Variants in STX2 observed in about 807,000 individuals in gnomAD.
STX2 encodes syntaxin 2.
A neutral mutation model predicts 40.6 loss-of-function variants in STX2; 27 were observed. That is an observed-to-expected ratio of 0.66 (90% CI 0.49 to 0.92). The LOEUF is 0.92. Ranked by LOEUF, STX2 falls within the 40% of genes least tolerant of loss-of-function variation. The probability of loss-of-function intolerance (pLI) is 0.00; values close to 1 mark genes in which losing one functional copy is unlikely to be tolerated. For missense variants in STX2, 328 were observed against 366.1 expected (o/e 0.90, Z 0.85); for synonymous variants, 123 against 119.1 (o/e 1.03, Z -0.22).
At chr12:130,800,933 T>C (rs1213909096) in intron 8 of STX2, among the ~76,000 whole-genome samples, 1 of 152,236 alleles carries the variant, frequency 6.6e-6, no homozygotes, top group Non-Finnish European at 1.5e-5. Flanking sequence ...CTATGAACAC[T>C]CCATAATTTA....
intron 6 of STX2, among the ~76,000 whole-genome samples, chr12:130,803,335 T>C (rs1442748825): frequency 2.0e-5 from 3 of 152,152 alleles, no homozygotes; most frequent in Non-Finnish European, 2.9e-5. Context: ...ACCCTATCTC[T>C]ACAAAAAATA....
At position 130,795,982 on chromosome 12, in the gene STX2, A is replaced by G; in HGVS notation, c.*45+13T>C. The G allele has an allele frequency of 1.9e-6, 3 of 1,593,202 alleles. No homozygotes were observed. Among genetic ancestry groups the G allele is most frequent in the Admixed American group, 1.8e-5 (1 of 54,898 alleles). ...CAAAAGTTAATAAGTAAATTAGTTG[A>G]TGAGTTACTTACTCCCACCCTGGCA... On this transcript the variant is annotated intron_variant, in intron 10 of 10. Transcript: ENST00000392373.
intron 6 of STX2, among the ~76,000 whole-genome samples, chr12:130,803,152 T>C (rs1209439545): frequency 2.6e-5 from 4 of 152,326 alleles, no homozygotes; most frequent in African/African-American, 7.2e-5. Flanking sequence ...AGTTAGTAAA[T>C]TGCAAAATTT....
rs1413847054 is a variant in STX2, at chr12:130,812,990, TC to T, written c.246del (p.Thr84LeufsTer9). The T allele has an allele frequency of 4.5e-6, 7 of 1,550,092 alleles. No individual in the cohort carries two copies. The highest frequency in any genetic ancestry group is 6.1e-6 in the Non-Finnish European group (7 of 1,156,590). Reference protein sequence around the residue: ...EELEDLNKEIKKTANKIRAKL... With the variant: ...EELEDLNKEIXKTANKIRAKL... ...TTGGCTCGAATTTTATTCGCAGTTT[TC>T]TTGATTTCTTTGTTCAGATCTTCAA... On this transcript the variant is annotated frameshift_variant, in exon 4 of 11. Coordinates refer to ENST00000392373, the MANE Select transcript of STX2 (RefSeq NM_194356.4). LOFTEE classifies it high-confidence loss of function.
chr12:130,823,102 G>A (rs1456586394), intron 2 of STX2, among the ~76,000 whole-genome samples: 1 of 152,046 alleles, frequency 6.6e-6, no homozygotes, highest in Non-Finnish European at 1.5e-5. Context: ...AAGAGTTCAA[G>A]ACTAGCCTGG....
intron 10 of STX2, among the ~76,000 whole-genome samples, chr12:130,795,702 T>G (rs1404359650): frequency 6.6e-6 from 1 of 152,348 alleles, no homozygotes; most frequent in East Asian, 1.9e-4. Flanking sequence ...ATCACGCCAC[T>G]GCATTCCAGC....
At chr12:130,829,377 AAC>A (rs1350031168) in intron 1 of STX2, among the ~76,000 whole-genome samples, 1 of 151,968 alleles carries the variant, frequency 6.6e-6, no homozygotes, top group East Asian at 1.9e-4. Context: ...AGGAGGCTGA[AAC>A]ACAGTGCAGG....
intron 1 of STX2, among the ~76,000 whole-genome samples, chr12:130,830,531 G>GA (rs1952520659): frequency 6.6e-6 from 1 of 152,196 alleles, no homozygotes; most frequent in Non-Finnish European, 1.5e-5. Context: ...TGTAGACCAG[G>GA]AAAGATCCAC....
At chr12:130,811,203 C>G (rs2136282380) in intron 4 of STX2, among the ~76,000 whole-genome samples, 1 of 151,900 alleles carries the variant, frequency 6.6e-6, no homozygotes, top group South Asian at 2.1e-4. Flanking sequence ...ACTAAAAATA[C>G]AAAAATTAGC....
rs898533146 is a variant in STX2, at chr12:130,809,806, A to G, written c.281-1102T>C. Reference sequence around the variant, plus strand: ...CACTCCAGCCTAGGCGACAAGAGCGAAACTCCATCTCAAAAAAATAAACAC... The same window carrying G: ...CACTCCAGCCTAGGCGACAAGAGCGGAACTCCATCTCAAAAAAATAAACAC... On this transcript the variant is annotated intron_variant, in intron 4 of 10. Coordinates refer to ENST00000392373, the MANE Select transcript of STX2 (RefSeq NM_194356.4). Among the ~76,000 whole-genome samples the G allele has an allele frequency of 5.0e-4, 76 of 152,342 alleles. 1 individual carries two copies. The highest frequency in any genetic ancestry group is 1.6e-3 in the African/African-American group (68 of 41,578).
chr12:130,791,119 T>A lies in STX2; in HGVS notation c.*904A>T, dbSNP rs978664637. 19 of 152,052 alleles carry A rather than the reference T, an allele frequency of 1.2e-4. No individual in the cohort carries two copies. Among genetic ancestry groups the A allele is most frequent in the African/African-American group, 4.6e-4 (19 of 41,392 alleles). The allele number at this position is 152,052 out of a possible 1,614,324, so 9.4% of individuals were successfully genotyped here. Reference sequence around the variant, plus strand: ...AAATTATAGATATCTTACAAAAACGTGATAAAAATTATTTCTTCAAACAGG... The same window carrying A: ...AAATTATAGATATCTTACAAAAACGAGATAAAAATTATTTCTTCAAACAGG... On this transcript the variant is annotated 3_prime_UTR_variant, in exon 11 of 11. Coordinates refer to ENST00000392373, the MANE Select transcript of STX2 (RefSeq NM_194356.4).
Position 130,800,096 on chromosome 12 carries a change from C to T in STX2, c.675+1057G>A, listed in dbSNP as rs117062613. ...TAGGATGGTTTGATATAAATGCTTCCGCTTCACCTGGTGGTCAGCTGAATC... is the reference window on the plus strand; with the variant it reads ...TAGGATGGTTTGATATAAATGCTTCTGCTTCACCTGGTGGTCAGCTGAATC... On this transcript the variant is annotated intron_variant, in intron 8 of 10. Transcript: ENST00000392373. Among the ~76,000 whole-genome samples, 28 of 152,198 alleles carry T rather than the reference C, an allele frequency of 1.8e-4. No individual in the cohort carries two copies. In the East Asian group the frequency reaches 5.0e-3, roughly 27 times the overall value.
intron 3 of STX2, among the ~76,000 whole-genome samples, chr12:130,813,534 G>A (rs1217200171): frequency 2.0e-5 from 3 of 152,180 alleles, no homozygotes; most frequent in Non-Finnish European, 2.9e-5. Context: ...CTGCTGGGCC[G>A]GTCGCCCTGG....
Position 130,791,624 on chromosome 12 carries a change from T to C in STX2, c.*399A>G. On this transcript the variant is annotated 3_prime_UTR_variant, in exon 11 of 11. Transcript: ENST00000392373. ...TGAAATATTTTTAATATTAAAATGTTCAATATTTTCTTATTTCAAGGCCAG... is the reference window on the plus strand; with the variant it reads ...TGAAATATTTTTAATATTAAAATGTCCAATATTTTCTTATTTCAAGGCCAG... 1 of 294,186 alleles carries C rather than the reference T, an allele frequency of 3.4e-6. No individual in the cohort carries two copies. The allele number at this position is 294,186 out of a possible 1,614,324, so 18.2% of individuals were successfully genotyped here.
chr12:130,815,766 C>T (rs768650936), intron 3 of STX2, among the ~76,000 whole-genome samples: 7 of 152,166 alleles, frequency 4.6e-5, no homozygotes, highest in Non-Finnish European at 8.8e-5. Flanking sequence ...GGGGGGCAAG[C>T]GCCTGAATTT....
intron 1 of STX2, among the ~76,000 whole-genome samples, chr12:130,836,761 A>G (rs1952767328): frequency 6.6e-6 from 1 of 152,192 alleles, no homozygotes; most frequent in Non-Finnish European, 1.5e-5. Context: ...CACGTACAAG[A>G]AAAAGTTTTG....
intron 1 of STX2, among the ~76,000 whole-genome samples, chr12:130,835,439 G>A (rs1952725234): frequency 6.6e-6 from 1 of 150,656 alleles, no homozygotes; most frequent in South Asian, 2.2e-4. Context: ...GATGAAATGT[G>A]TGGTTTCTCT....
intron 5 of STX2, among the ~76,000 whole-genome samples, chr12:130,808,171 A>G (rs1951512792): frequency 1.3e-5 from 2 of 152,136 alleles, no homozygotes; most frequent in Admixed American, 6.6e-5. Context: ...GGCCCACGTA[A>G]GAGGCGGATC....
In STX2 at chr12:130,824,865, G is replaced by A. The variant is rs369606519; in HGVS notation, c.105+2328C>T. ...TAAATTGACTATTTAACAAATGAAA[G>A]CTTGAGCTTAAGTTAGAACCCAATG... On this transcript the variant is annotated intron_variant, in intron 2 of 10. Transcript: ENST00000392373. 3.7e-3 allele frequency among the ~76,000 whole-genome samples: 562 copies of A among 152,188 alleles called. 2 individuals carry two copies. Among genetic ancestry groups the A allele is most frequent in the African/African-American group, 0.013 (533 of 41,528 alleles).
Sources: allele counts gnomAD v4.1 joint callset (sites outside exome capture counted in the v4.1 genomes callset), GRCh38; gene constraint gnomAD v4.1.1; transcripts MANE v1.5; gene names NCBI Gene and HGNC (gene_info 2026-07-23, HGNC 2026-07-21).